Variants in SPAG17 observed in about 807,000 individuals in gnomAD.
The protein encoded by SPAG17 is sperm-associated antigen 17.
Under a neutral mutation model 273.6 loss-of-function variants are expected in SPAG17, and 169 were observed. That is an observed-to-expected ratio of 0.62 (90% CI 0.55 to 0.70). The LOEUF (loss-of-function observed/expected upper bound fraction) is 0.70, where lower values mean the gene tolerates loss of function less well. SPAG17 is among the 30% of genes least tolerant of loss of function. The probability of loss-of-function intolerance (pLI) is 0.00; values close to 1 mark genes in which losing one functional copy is unlikely to be tolerated. For synonymous variants in SPAG17, 825 were observed against 873.2 expected (o/e 0.94, Z 0.97); for missense variants, 2,557 against 2,627.8 (o/e 0.97, Z 0.59).
intron 1 of SPAG17, among the ~76,000 whole-genome samples, chr1:118,165,942 C>T (rs1030720709): frequency 6.6e-6 from 1 of 152,134 alleles, no homozygotes; most frequent in Non-Finnish European, 1.5e-5. Flanking sequence ...CGCACCCGGC[C>T]GAAATCTTTC....
intron 28 of SPAG17, among the ~76,000 whole-genome samples, chr1:118,017,496 T>C (rs537381438): frequency 4.6e-5 from 7 of 152,050 alleles, no homozygotes; most frequent in Non-Finnish European, 7.4e-5. Flanking sequence ...ACTGATTCAA[T>C]TGAGGGGACT....
At chr1:117,979,070 T>C (rs1450082933) in intron 43 of SPAG17, among the ~76,000 whole-genome samples, 1 of 152,116 alleles carries the variant, frequency 6.6e-6, no homozygotes, top group Non-Finnish European at 1.5e-5. Flanking sequence ...GGTTTCAGCA[T>C]GTTAGCCAGG....
At chr1:117,959,336 G>A (rs1571050356) in intron 48 of SPAG17, 3 of 1,613,942 alleles carry the variant, frequency 1.9e-6, no homozygotes, top group African/African-American at 2.7e-5. Flanking sequence ...ATCTCAAGAG[G>A]GAATGCGAGG....
chr1:118,163,185 C>T (rs1278687401), intron 1 of SPAG17, among the ~76,000 whole-genome samples: 1 of 152,070 alleles, frequency 6.6e-6, no homozygotes, highest in Non-Finnish European at 1.5e-5. Context: ...TAAAAAAGTA[C>T]TGAAAAAAAG....
chr1:117,971,312 G>A (rs1365859873), intron 45 of SPAG17, among the ~76,000 whole-genome samples: 4 of 152,332 alleles, frequency 2.6e-5, no homozygotes, highest in Admixed American at 6.5e-5. Flanking sequence ...GTAAAGCAAA[G>A]TATATGGTGG....
chr1:118,100,542 A>C (rs142536500), intron 5 of SPAG17, among the ~76,000 whole-genome samples: 1 of 152,164 alleles, frequency 6.6e-6, no homozygotes, highest in Non-Finnish European at 1.5e-5. Flanking sequence ...TCAATATATA[A>C]ATAGTGCAAC....
intron 5 of SPAG17, 51 bp from the exon 6 acceptor site, chr1:118,099,851 G>A: frequency 6.5e-7 from 1 of 1,540,256 alleles, no homozygotes; most frequent in Non-Finnish European, 8.9e-7. Context: ...AAGAGAGCAG[G>A]TTGCACTCAG....
At chr1:117,994,633 A>AGG (rs1460942200) in intron 34 of SPAG17, 103 bp from the exon 35 acceptor site, 5 of 1,166,470 alleles carry the variant, frequency 4.3e-6, no homozygotes, top group Non-Finnish European at 4.8e-6. Flanking sequence ...GAACAGACTT[A>AGG]GACATGAAAG....
At chr1:118,102,363 T>C (rs568645942) in intron 4 of SPAG17, among the ~76,000 whole-genome samples, 3 of 150,184 alleles carry the variant, frequency 2.0e-5, no homozygotes, top group Non-Finnish European at 4.4e-5. Flanking sequence ...AAACAAGAAT[T>C]AAAAATAAAA....
Position 118,016,032 on chromosome 1 carries a change from C to T in SPAG17, c.4220G>A (p.Gly1407Glu). ...GGTCAAGTCTGCTATTCTTTCTAAT[C>T]CTTTGGTGCCGATCCGATTTCCTTC... Reference protein sequence around the residue: ...TPEGNRIGTKGLERIADLTPL... With the variant: ...TPEGNRIGTKELERIADLTPL... The change falls in exon 29 of 49, where the codon GGA (glycine) becomes GAA (glutamate). Residue 1407 changes from glycine to glutamate, a missense_variant. Physicochemically the swap from Gly to Glu is moderately conservative, Grantham distance 98. Transcript: ENST00000336338. 1.2e-6 allele frequency: 2 copies of T among 1,614,004 alleles called. No individual in the cohort carries two copies. The highest frequency in any genetic ancestry group is 1.7e-6 in the Non-Finnish European group (2 of 1,179,956).
intron 18 of SPAG17, among the ~76,000 whole-genome samples, chr1:118,066,215 A>AG (rs1477030206): frequency 6.6e-6 from 1 of 152,156 alleles, no homozygotes; most frequent in African/African-American, 2.4e-5. Context: ...GTGAAATATC[A>AG]TCATACTTAA....
At chr1:118,028,541 G>A in intron 25 of SPAG17, 147 bp from the exon 26 acceptor site, 1 of 891,940 alleles carries the variant, frequency 1.1e-6, no homozygotes, top group South Asian at 2.3e-5. Context: ...AGTCTCTGTG[G>A]TTTTGCAATT....
chr1:118,185,060 T>G lies in SPAG17; in HGVS notation c.87+11A>C. On this transcript the variant is annotated intron_variant, in intron 1 of 48. Coordinates refer to ENST00000336338, the MANE Select transcript of SPAG17 (RefSeq NM_206996.4). ...CGGGGGCAGGGAGGGCTTAAAGGGC[T>G]CAAGGCTCACCTGATTGAACTGTGC... is the stretch of plus-strand genomic sequence containing the variant. The G allele has an allele frequency of 6.2e-7, 1 of 1,613,622 alleles. No individual in the cohort carries two copies. Among genetic ancestry groups the G allele is most frequent in the Non-Finnish European group, 8.5e-7 (1 of 1,179,526 alleles).
chr1:118,133,819 A>G (rs1658192316), intron 3 of SPAG17, among the ~76,000 whole-genome samples: 2 of 152,208 alleles, frequency 1.3e-5, no homozygotes, highest in South Asian at 4.1e-4. Flanking sequence ...TTGTGAAATT[A>G]CTTAAAGGAA....
At chr1:118,126,041 C>CTTTT (rs1418250690) in intron 3 of SPAG17, among the ~76,000 whole-genome samples, 1 of 57,816 alleles carries the variant, frequency 1.7e-5, no homozygotes, top group East Asian at 9.5e-4. Context: ...CTGTTATTTT[C>CTTTT]TGTTTTTTTT....
intron 17 of SPAG17, among the ~76,000 whole-genome samples, chr1:118,067,540 T>A (rs780480072): frequency 6.6e-6 from 1 of 151,728 alleles, no homozygotes. Context: ...AGGAAGGGAG[T>A]CCTCAACAAA....
At chr1:118,066,670 C>T in intron 18 of SPAG17, 75 bp downstream of exon 18, 3 of 1,291,914 alleles carry the variant, frequency 2.3e-6, no homozygotes, top group Non-Finnish European at 3.3e-6. Flanking sequence ...AAGGAACTAA[C>T]ACCTAAGTAA....
chr1:118,110,607 T>C (rs557532446), intron 4 of SPAG17, among the ~76,000 whole-genome samples: 1 of 152,314 alleles, frequency 6.6e-6, no homozygotes, highest in African/African-American at 2.4e-5. Flanking sequence ...TAAGTCAGGA[T>C]TTCCTTTGGA....
chr1:117,986,707 G>A (rs1479938737), intron 40 of SPAG17, among the ~76,000 whole-genome samples: 1 of 152,170 alleles, frequency 6.6e-6, no homozygotes, highest in African/African-American at 2.4e-5. Context: ...TCTTGGAGAA[G>A]CCTTTAGGGA....
Sources: allele counts gnomAD v4.1 joint callset (sites outside exome capture counted in the v4.1 genomes callset), GRCh38; gene constraint gnomAD v4.1.1; transcripts MANE v1.5; gene names NCBI Gene and HGNC (gene_info 2026-07-23, HGNC 2026-07-21).